Variants in SATB2 observed in about 807,000 individuals in gnomAD.
SATB2 encodes the protein DNA-binding protein SATB2.
A neutral mutation model predicts 73.4 loss-of-function variants in SATB2; 1 was observed. That is an observed-to-expected ratio of 0.01 (90% CI 0.00 to 0.06). The LOEUF (loss-of-function observed/expected upper bound fraction) is 0.06, where lower values mean the gene tolerates loss of function less well. Among genes scored for constraint, SATB2 ranks in the 10% least tolerant of loss-of-function variants. SATB2 has a pLI of 1.00. For missense variants in SATB2, 459 were observed against 945.8 expected (o/e 0.49, Z 6.75); for synonymous variants, 397 against 367.0 (o/e 1.08, Z -0.93).
intron 10 of SATB2, among the ~76,000 whole-genome samples, chr2:199,294,566 C>T (rs1377803685): frequency 6.6e-6 from 1 of 152,156 alleles, no homozygotes; most frequent in South Asian, 2.1e-4. Flanking sequence ...CCATGATGCA[C>T]CCAAATAAGA....
intron 10 of SATB2, among the ~76,000 whole-genome samples, chr2:199,278,437 T>A (rs1692384184): frequency 6.6e-6 from 1 of 152,186 alleles, no homozygotes; most frequent in African/African-American, 2.4e-5. Context: ...GATGCCATGA[T>A]GGATAGCACA....
intron 3 of SATB2, among the ~76,000 whole-genome samples, chr2:199,403,902 T>C (rs1690557870): frequency 6.6e-6 from 1 of 152,196 alleles, no homozygotes; most frequent in South Asian, 2.1e-4. Flanking sequence ...CCTTCTGGGA[T>C]GGCAGGATAT....
At chr2:199,351,743 T>G (rs1688825744) in intron 6 of SATB2, among the ~76,000 whole-genome samples, 1 of 152,220 alleles carries the variant, frequency 6.6e-6, no homozygotes, top group Non-Finnish European at 1.5e-5. Flanking sequence ...ATATTTGGTT[T>G]CAGTTAAATA....
chr2:199,293,242 G>T (rs1322553260), intron 10 of SATB2, among the ~76,000 whole-genome samples: 2 of 152,096 alleles, frequency 1.3e-5, no homozygotes, highest in Admixed American at 6.6e-5. Context: ...TCTCCTGTGA[G>T]TTTTTCTCCT....
intron 5 of SATB2, among the ~76,000 whole-genome samples, chr2:199,370,446 C>T (rs190913657): frequency 1.5e-4 from 23 of 152,220 alleles, no homozygotes; most frequent in African/African-American, 4.6e-4. Context: ...TAACCACAAA[C>T]GTACTTGTCA....
chr2:199,391,893 A>C (rs1690154085), intron 3 of SATB2, among the ~76,000 whole-genome samples: 1 of 152,206 alleles, frequency 6.6e-6, no homozygotes, highest in Admixed American at 6.5e-5. Flanking sequence ...TTCCCCTTGC[A>C]TGTCTAGTTA....
At chr2:199,351,029 CAAA>C (rs35503848) in intron 6 of SATB2, among the ~76,000 whole-genome samples, 4 of 71,720 alleles carry the variant, frequency 5.6e-5, no homozygotes, top group Admixed American at 1.5e-4. Flanking sequence ...ACTCTGTCTC[CAAA>C]AAAAAAAAAA....
intron 9 of SATB2, among the ~76,000 whole-genome samples, chr2:199,312,775 G>A (rs1007806702): frequency 1.3e-5 from 2 of 152,140 alleles, no homozygotes; most frequent in East Asian, 1.9e-4. Flanking sequence ...CTGACACCAC[G>A]AATGCTCTGA....
chr2:199,449,280 T>C (rs1327679394), intron 2 of SATB2, among the ~76,000 whole-genome samples: 1 of 152,176 alleles, frequency 6.6e-6, no homozygotes, highest in Non-Finnish European at 1.5e-5. Flanking sequence ...ACTTTTTAAT[T>C]GAGCAGCAAA....
At position 199,377,717 on chromosome 2, in the gene SATB2, C is replaced by T. The variant is rs1247400416; in HGVS notation, c.597+2647G>A. On this transcript the variant is annotated intron_variant, in intron 5 of 10. Transcript: ENST00000417098. ...GGGGGAGTGACTGAGGAATTATAAA[C>T]AAGGAACACAGGAGAATCAGGTGGC... Among the ~76,000 whole-genome samples, 3 of 151,938 alleles carry T rather than the reference C, an allele frequency of 2.0e-5. No homozygotes were observed. The East Asian group carries it at 5.8e-4, about 29-fold the overall frequency.
chr2:199,324,683 C>T (rs1687983156), intron 8 of SATB2, among the ~76,000 whole-genome samples: 1 of 152,146 alleles, frequency 6.6e-6, no homozygotes, highest in African/African-American at 2.4e-5. Flanking sequence ...ATATAGAAGT[C>T]TGTACTTCTT....
intron 3 of SATB2, among the ~76,000 whole-genome samples, chr2:199,385,442 C>A (rs889818456): frequency 6.6e-6 from 1 of 152,090 alleles, no homozygotes; most frequent in Non-Finnish European, 1.5e-5. Flanking sequence ...CTAGCCCTCC[C>A]CTACTTTAAA....
intron 6 of SATB2, among the ~76,000 whole-genome samples, chr2:199,350,835 C>T (rs1688793821): frequency 6.6e-6 from 1 of 151,726 alleles, no homozygotes; most frequent in Non-Finnish European, 1.5e-5. Flanking sequence ...CCAGCCTGGC[C>T]AACACAGCAA....
chr2:199,388,225 T>A (rs1353006048), intron 3 of SATB2, among the ~76,000 whole-genome samples: 2 of 152,178 alleles, frequency 1.3e-5, no homozygotes, highest in Non-Finnish European at 1.5e-5. Flanking sequence ...TTTTCTTGTG[T>A]CCCTCCAACA....
intron 10 of SATB2, among the ~76,000 whole-genome samples, chr2:199,281,930 G>A (rs6732702): frequency 0.79 from 117,745 of 149,060 alleles, 48,288 homozygotes; most frequent in Non-Finnish European, 0.89. Flanking sequence ...CGCCCAGGCT[G>A]GAGTGCAGTG....
intron 9 of SATB2, among the ~76,000 whole-genome samples, chr2:199,321,253 G>GAT (rs1293627871): frequency 2.0e-5 from 3 of 151,414 alleles, no homozygotes; most frequent in Non-Finnish European, 2.9e-5. Flanking sequence ...ATATGACTAA[G>GAT]ATATATATAT....
intron 6 of SATB2, among the ~76,000 whole-genome samples, chr2:199,361,233 T>C (rs958868802): frequency 1.3e-5 from 2 of 152,112 alleles, no homozygotes; most frequent in African/African-American, 2.4e-5. Flanking sequence ...TTCGTCTCCA[T>C]TGGTATTGTC....
At chr2:199,371,634 T>G (rs1163376531) in intron 5 of SATB2, among the ~76,000 whole-genome samples, 1 of 152,216 alleles carries the variant, frequency 6.6e-6, no homozygotes, top group Non-Finnish European at 1.5e-5. Flanking sequence ...ATTTTTTGCT[T>G]TTTAAAATAC....
chr2:199,309,076 C>T lies in SATB2; in HGVS notation c.1543-119G>A, dbSNP rs16831258. On this transcript the variant is annotated intron_variant, in intron 9 of 10. Transcript: ENST00000417098. Reference sequence around the variant, plus strand: ...TTTCTGTCAAAATTGTTCCTGCCAACGTGGGGAGATAGTGAAACAGTCTGA... The same window carrying T: ...TTTCTGTCAAAATTGTTCCTGCCAATGTGGGGAGATAGTGAAACAGTCTGA... 4.8e-3 allele frequency: 4,194 copies of T among 865,940 alleles called. 103 individuals are homozygous for T. The African/African-American group carries it at 0.058, about 12-fold the overall frequency. 53.6% of individuals were successfully genotyped at this position (865,940 alleles called of 1,614,324 possible). A position where few individuals can be genotyped will look rare whatever the true frequency, so the allele number is the denominator to read the frequency against.
Sources: gnomAD v4.1 joint callset for allele counts (sites outside exome capture counted in the v4.1 genomes callset) on GRCh38, gnomAD v4.1.1 for gene constraint, MANE v1.5 for transcripts, NCBI Gene and HGNC (gene_info 2026-07-23, HGNC 2026-07-21) for gene names.